The following FOXP2 variants were observed in gnomAD, a reference collection of about 807,000 sequenced individuals.
The protein encoded by FOXP2 is forkhead box P2.
In FOXP2, 12 loss-of-function variants were observed where a neutral mutation model predicts 115.8. The observed-to-expected ratio is 0.10, with a 90% CI of 0.07 to 0.17. The LOEUF is 0.17. Among genes scored for constraint, FOXP2 ranks in the 10% least tolerant of loss-of-function variants. The probability of loss-of-function intolerance (pLI) is 1.00; values close to 1 mark genes in which losing one functional copy is unlikely to be tolerated. For synonymous variants in FOXP2, 328 were observed against 297.7 expected (o/e 1.10, Z -1.05); for missense variants, 629 against 843.5 (o/e 0.75, Z 3.15).
At chr7:114,435,148 T>C (rs1044335671) in intron 2 of FOXP2, among the ~76,000 whole-genome samples, 7 of 152,170 alleles carry the variant, frequency 4.6e-5, no homozygotes, top group East Asian at 1.9e-4. Flanking sequence ...CTTTTCACTA[T>C]GATTGAAAAT....
chr7:114,271,892 T>TTAATATAATTATTAATATAATTA (rs1315486317), intron 1 of FOXP2, among the ~76,000 whole-genome samples: 2 of 125,798 alleles, frequency 1.6e-5, no homozygotes, highest in East Asian at 4.3e-4. Flanking sequence ...ATTATAAACA[T>TTAATATAATTATTAATATAATTA]TAATATAATT....
intron 2 of FOXP2, among the ~76,000 whole-genome samples, chr7:114,472,832 T>C (rs1348692092): frequency 6.6e-6 from 1 of 152,192 alleles, no homozygotes; most frequent in Non-Finnish European, 1.5e-5. Flanking sequence ...TAAAAATGTA[T>C]GTGTGAGTGT....
chr7:114,404,127 A>G lies in FOXP2; in HGVS notation c.-10-22375A>G, dbSNP rs139723531. On this transcript the variant is annotated intron_variant, in intron 2 of 17. Transcript: ENST00000634411. ...CAGCACAGGTAGAGGTGCAATTGGG[A>G]TGAGTGGGTTGGGGGAGAGGAATAA... Among the ~76,000 whole-genome samples the G allele has an allele frequency of 1.4e-3, 208 of 152,232 alleles. 1 individual carries two copies. The highest frequency in any genetic ancestry group is 4.7e-3 in the African/African-American group (197 of 41,558).
intron 3 of FOXP2, among the ~76,000 whole-genome samples, chr7:114,612,578 T>C (rs1246155709): frequency 6.6e-6 from 1 of 152,096 alleles, no homozygotes; most frequent in Non-Finnish European, 1.5e-5. Context: ...TCCTACTCTT[T>C]TGAGGGAAAT....
At chr7:114,458,210 A>C (rs1404563072) in intron 2 of FOXP2, among the ~76,000 whole-genome samples, 1 of 152,104 alleles carries the variant, frequency 6.6e-6, no homozygotes, top group Non-Finnish European at 1.5e-5. Flanking sequence ...AAGAAAGGGA[A>C]TGTGTTGTTA....
chr7:114,596,828 A>G (rs375254665), intron 3 of FOXP2, among the ~76,000 whole-genome samples: 3 of 152,134 alleles, frequency 2.0e-5, no homozygotes, highest in East Asian at 1.9e-4. Context: ...TTTTGTTGTG[A>G]TAACAAAGCT....
chr7:114,370,433 T>C (rs1791976652), intron 2 of FOXP2, among the ~76,000 whole-genome samples: 1 of 152,240 alleles, frequency 6.6e-6, no homozygotes, highest in African/African-American at 2.4e-5. Flanking sequence ...ATAGTGTACC[T>C]GTGTTGGCTC....
intron 3 of FOXP2, among the ~76,000 whole-genome samples, chr7:114,566,518 T>A (rs943709970): frequency 1.2e-4 from 18 of 152,102 alleles, no homozygotes; most frequent in Non-Finnish European, 2.5e-4. Context: ...TCTCACCACG[T>A]GATTTCTACA....
chr7:114,198,992 A>G (rs1793987189), intron 1 of FOXP2, among the ~76,000 whole-genome samples: 1 of 152,170 alleles, frequency 6.6e-6, no homozygotes, highest in Non-Finnish European at 1.5e-5. Flanking sequence ...TCACTGCATT[A>G]TGGAGGGTAA....
At chr7:114,634,940 T>A (rs1051350476) in intron 6 of FOXP2, among the ~76,000 whole-genome samples, 4 of 152,164 alleles carry the variant, frequency 2.6e-5, no homozygotes, top group Non-Finnish European at 2.9e-5. Flanking sequence ...TGATTTTCTG[T>A]CACTCCAAGT....
At chr7:114,595,316 G>T (rs963627011) in intron 3 of FOXP2, among the ~76,000 whole-genome samples, 1 of 151,840 alleles carries the variant, frequency 6.6e-6, no homozygotes, top group Admixed American at 6.6e-5. Flanking sequence ...TTCTAGAACC[G>T]ATGAAGCATT....
chr7:114,485,918 C>T lies in FOXP2; in HGVS notation c.169-48699C>T, dbSNP rs142355273. Among the ~76,000 whole-genome samples the T allele has an allele frequency of 1.5e-3, 232 of 152,214 alleles. 2 individuals are homozygous for T. The highest frequency in any genetic ancestry group is 5.1e-3 in the African/African-American group (213 of 41,534). ...ACATGTATGGTATAACTTCAGAGCCCTAATCTTACCCTTTACACGGAAGTC... is the reference window on the plus strand; with the variant it reads ...ACATGTATGGTATAACTTCAGAGCCTTAATCTTACCCTTTACACGGAAGTC... On this transcript the variant is annotated intron_variant, in intron 2 of 16. Coordinates refer to ENST00000350908, the MANE Select transcript of FOXP2 (RefSeq NM_014491.4).
At chr7:114,503,923 G>T (rs972722436) in intron 2 of FOXP2, among the ~76,000 whole-genome samples, 21 of 151,200 alleles carry the variant, frequency 1.4e-4, no homozygotes, top group African/African-American at 5.1e-4. Context: ...ATTTGTAGAT[G>T]AATAATAATG....
At chr7:114,131,751 A>C (rs909603710) in intron 1 of FOXP2, among the ~76,000 whole-genome samples, 2 of 152,172 alleles carry the variant, frequency 1.3e-5, no homozygotes, top group African/African-American at 4.8e-5. Context: ...CATTCTCATA[A>C]AAAGGACTGA....
At position 114,340,077 on chromosome 7, in the gene FOXP2, C is replaced by CA. The variant is rs1195830295; in HGVS notation, c.-11+51976dup. The stretch of plus-strand genomic sequence containing the variant: ...GTCCAATCTCTATAATCAATTCAGT[C>CA]AAAAAAAACCTCCAAAACCATTTAA... On this transcript the variant is annotated intron_variant, in intron 2 of 17. Transcript: ENST00000634411. 5.3e-5 allele frequency among the ~76,000 whole-genome samples: 8 copies of CA among 150,528 alleles called. No homozygotes were observed. In the East Asian group the frequency reaches 5.8e-4, roughly 11 times the overall value.
intron 2 of FOXP2, among the ~76,000 whole-genome samples, chr7:114,462,723 T>C (rs1244047986): frequency 6.6e-6 from 1 of 152,194 alleles, no homozygotes; most frequent in Non-Finnish European, 1.5e-5. Flanking sequence ...ATTTTCCTTT[T>C]GAGTTGAAAT....
intron 3 of FOXP2, among the ~76,000 whole-genome samples, chr7:114,596,580 AGT>A (rs1198981342): frequency 6.6e-6 from 1 of 152,106 alleles, no homozygotes; most frequent in Non-Finnish European, 1.5e-5. Flanking sequence ...TACATTCTCA[AGT>A]TATTATGCAC....
At chr7:114,363,650 G>A (rs745889002) in intron 2 of FOXP2, among the ~76,000 whole-genome samples, 2 of 151,990 alleles carry the variant, frequency 1.3e-5, no homozygotes, top group Non-Finnish European at 2.9e-5. Context: ...CACAACAATT[G>A]AGTAAATTAT....
At chr7:114,674,364 C>T (rs1033826092) in intron 16 of FOXP2, among the ~76,000 whole-genome samples, 1 of 152,176 alleles carries the variant, frequency 6.6e-6, no homozygotes, top group Non-Finnish European at 1.5e-5. Context: ...ATCATTTGTT[C>T]ACTCCAATTT....
Sources: allele counts gnomAD v4.1 joint callset (sites outside exome capture counted in the v4.1 genomes callset), GRCh38; gene constraint gnomAD v4.1.1; transcripts MANE v1.5; gene names NCBI Gene and HGNC (gene_info 2026-07-23, HGNC 2026-07-21).